WWC2: variants seen among roughly 807,000 people sequenced by gnomAD.
WWC2 encodes protein WWC2.
Under a neutral mutation model 138.5 loss-of-function variants are expected in WWC2, and 101 were observed. The observed-to-expected ratio is 0.73, with a 90% CI of 0.62 to 0.86. The LOEUF is 0.86. Among genes scored for constraint, WWC2 ranks in the 40% least tolerant of loss-of-function variants. WWC2 has a pLI of 0.00. For synonymous variants in WWC2, 558 were observed against 538.4 expected, an observed-to-expected ratio of 1.04 and a Z score of -0.50; for missense variants, 1,420 against 1,419.4, an observed-to-expected ratio of 1.00 and a Z score of -0.01.
At chr4:183,315,278 G>A (rs1739398616) in intron 22 of WWC2, among the ~76,000 whole-genome samples, 1 of 152,162 alleles carries the variant, frequency 6.6e-6, no homozygotes, top group South Asian at 2.1e-4. Context: ...CTGTTATTGT[G>A]TGCTTTTCTG....
At chr4:183,226,667 C>T (rs192408982) in intron 4 of WWC2, among the ~76,000 whole-genome samples, 1 of 151,942 alleles carries the variant, frequency 6.6e-6, no homozygotes, top group Non-Finnish European at 1.5e-5. Flanking sequence ...AGAAAACAAA[C>T]AAACAAAAAA....
intron 1 of WWC2, among the ~76,000 whole-genome samples, chr4:183,159,135 C>G (rs1312307161): frequency 6.6e-6 from 1 of 152,160 alleles, no homozygotes. Context: ...TCTAATATAT[C>G]AATCACATTT....
intron 19 of WWC2, 68 bp downstream of exon 19, chr4:183,284,458 T>C: frequency 6.4e-7 from 1 of 1,571,376 alleles, no homozygotes; most frequent in Non-Finnish European, 8.6e-7. Context: ...GGGAGTGGCC[T>C]GCAAAGGACA....
chr4:183,099,528 C>T lies in WWC2; in HGVS notation c.37C>T (p.Pro13Ser), dbSNP rs1743089882. 2.1e-6 allele frequency: 3 copies of T among 1,400,394 alleles called. No individual in the cohort carries two copies. Among genetic ancestry groups the T allele is most frequent in the Non-Finnish European group, 2.8e-6 (3 of 1,060,118 alleles). 86.7% of individuals were successfully genotyped at this position (1,400,394 alleles called of 1,614,324 possible). A position where few individuals can be genotyped will look rare whatever the true frequency, so the allele number is the denominator to read the frequency against. Residue 13 changes from proline to serine, a missense_variant, in exon 1 of 23, where the codon CCC becomes TCC. By Grantham distance (74) the Pro-to-Ser change is moderately conservative (BLOSUM62 -1). Coordinates refer to ENST00000403733, the MANE Select transcript of WWC2 (RefSeq NM_024949.6). ...GGCCGGGAGCGGTCAGCTGCCGCTG[C>T]CCCGGGGCTGGGAGGAGGCCAGGGA... ...RRAGSGQLPL[P>S]RGWEEARDYD...
intron 20 of WWC2, among the ~76,000 whole-genome samples, chr4:183,287,905 A>G (rs534512481): frequency 2.0e-4 from 30 of 152,346 alleles, no homozygotes; most frequent in African/African-American, 6.3e-4. Context: ...TATTTACCAC[A>G]TAGAAACTGG....
At chr4:183,236,843 G>A (rs1736440002) in intron 4 of WWC2, among the ~76,000 whole-genome samples, 1 of 152,116 alleles carries the variant, frequency 6.6e-6, no homozygotes, top group South Asian at 2.1e-4. Flanking sequence ...ATTACTTGGG[G>A]TAGTATGGAC....
intron 4 of WWC2, among the ~76,000 whole-genome samples, chr4:183,209,375 G>A (rs564048445): frequency 1.6e-4 from 24 of 152,194 alleles, no homozygotes; most frequent in African/African-American, 2.2e-4. Context: ...TTACAGGCGC[G>A]TGCCACTATG....
chr4:183,271,276 GTGAAATACATATATGAAATACA>G lies in WWC2; in HGVS notation c.2562+37_2562+58del, dbSNP rs764510326. ...AATTAGAGTATAATATGAAAGTAAT[GTGAAATACATATATGAAATACA>G]TATATGAAAGTAATATGAAATATGG... On this transcript the variant is annotated intron_variant, in intron 16 of 22. Transcript: ENST00000403733. 2.8e-5 allele frequency: 43 copies of G among 1,551,844 alleles called. 1 individual carries two copies. The Middle Eastern group carries it at 1.1e-3, about 40-fold the overall frequency.
At chr4:183,151,454 G>A (rs1320716189) in intron 1 of WWC2, among the ~76,000 whole-genome samples, 3 of 152,178 alleles carry the variant, frequency 2.0e-5, no homozygotes, top group Admixed American at 6.5e-5. Context: ...TTGTCAGATG[G>A]GTAGATTGCA....
rs764121683 is a variant in WWC2, at chr4:183,248,698, T to C, written c.733-16T>C. 8.3e-6 allele frequency: 13 copies of C among 1,570,768 alleles called. No individual in the cohort carries two copies. Among genetic ancestry groups the C allele is most frequent in the Middle Eastern group, 3.3e-4 (2 of 6,000 alleles). ...ACTTGTTAAGCTTTATGAAACACTT[T>C]GTGTTTTCTGAACAGAGTCTTGCTA... is the stretch of plus-strand genomic sequence containing the variant. On this transcript the variant is annotated splice_polypyrimidine_tract_variant and intron_variant, in intron 6 of 22. Transcript: ENST00000403733.
chr4:183,104,133 G>T (rs1198547363), intron 1 of WWC2, among the ~76,000 whole-genome samples: 2 of 151,548 alleles, frequency 1.3e-5, no homozygotes, highest in South Asian at 4.2e-4. Context: ...CTAATTTTTC[G>T]TAGTTTTTTT....
In WWC2 at chr4:183,190,159, G is replaced by C. The variant is rs188205977; in HGVS notation, c.132-3440G>C. On this transcript the variant is annotated intron_variant, in intron 1 of 22. Transcript: ENST00000403733. ...AGACTCTAGTTAATTTCAGGATTTT[G>C]TTGTTATTGTTGTTGTTGCTTGTTG... 3.9e-5 allele frequency among the ~76,000 whole-genome samples: 6 copies of C among 152,126 alleles called. No individual in the cohort carries two copies. The South Asian group carries it at 1.2e-3, about 31-fold the overall frequency.
At chr4:183,284,495 GACA>G in intron 19 of WWC2, 105 bp downstream of exon 19, 3 of 1,267,984 alleles carry the variant, frequency 2.4e-6, no homozygotes, top group Non-Finnish European at 3.2e-6. Context: ...GAGTCCACAT[GACA>G]ACGACAAATG....
chr4:183,115,109 G>GT (rs1732368588), intron 1 of WWC2, among the ~76,000 whole-genome samples: 1 of 152,162 alleles, frequency 6.6e-6, no homozygotes, highest in Non-Finnish European at 1.5e-5. Context: ...CCACTTATAA[G>GT]TGAGAACATG....
intron 1 of WWC2, among the ~76,000 whole-genome samples, chr4:183,104,050 C>T (rs2152885958): frequency 6.6e-6 from 1 of 152,142 alleles, no homozygotes; most frequent in East Asian, 1.9e-4. Context: ...GCCTCCACCT[C>T]CTGGGTTCAA....
At chr4:183,230,943 C>G (rs948952586) in intron 4 of WWC2, among the ~76,000 whole-genome samples, 1 of 152,002 alleles carries the variant, frequency 6.6e-6, no homozygotes, top group South Asian at 2.1e-4. Flanking sequence ...AAAACTGATT[C>G]GAGATGATAG....
At position 183,280,229 on chromosome 4, in the gene WWC2, G is replaced by GTTTTTTTTTTTTTTTTT. The variant is rs869235261; in HGVS notation, c.2563-538_2563-522dup. ...TTACTATTTTAGCCTGATAGCAGCT[G>GTTTTTTTTTTTTTTTTT]TTTTTTTTTTTTTTTTTTTTTTTTT... On this transcript the variant is annotated intron_variant, in intron 16 of 22. Transcript: ENST00000403733. Among the ~76,000 whole-genome samples, 51 of 65,454 alleles carry GTTTTTTTTTTTTTTTTT rather than the reference G, an allele frequency of 7.8e-4. 1 individual carries two copies. Among genetic ancestry groups the GTTTTTTTTTTTTTTTTT allele is most frequent in the African/African-American group, 9.2e-4 (15 of 16,366 alleles). The allele number at this position is 65,454 out of a possible 152,430, so 42.9% of individuals were successfully genotyped here. A position where few individuals can be genotyped will look rare whatever the true frequency, so the allele number is the denominator to read the frequency against.
intron 9 of WWC2, among the ~76,000 whole-genome samples, chr4:183,258,544 T>C (rs1347454774): frequency 1.3e-5 from 2 of 152,228 alleles, no homozygotes; most frequent in African/African-American, 2.4e-5. Context: ...GAAAAGTGGC[T>C]AGTTTTTATA....
chr4:183,194,090 A>G (rs1358049314), intron 2 of WWC2, among the ~76,000 whole-genome samples: 1 of 152,166 alleles, frequency 6.6e-6, no homozygotes, highest in Non-Finnish European at 1.5e-5. Context: ...GGGCGTTGGC[A>G]CAATGTGGTT....
Sources: gnomAD v4.1 joint callset for allele counts (sites outside exome capture counted in the v4.1 genomes callset) on GRCh38, gnomAD v4.1.1 for gene constraint, MANE v1.5 for transcripts, NCBI Gene and HGNC (gene_info 2026-07-23, HGNC 2026-07-21) for gene names.